SLC25A25: variants seen among roughly 807,000 people sequenced by gnomAD.
The protein encoded by SLC25A25 is solute carrier family 25 member 25, also known as mitochondrial adenyl nucleotide antiporter SLC25A25.
In SLC25A25, 32 loss-of-function variants were observed where a neutral mutation model predicts 57.7. The observed-to-expected ratio is 0.55, with a 90% confidence interval of 0.42 to 0.74. The LOEUF (loss-of-function observed/expected upper bound fraction) is 0.74, where lower values mean the gene tolerates loss of function less well. SLC25A25 is among the 30% of genes least tolerant of loss of function. The pLI, the probability that SLC25A25 is intolerant of heterozygous loss-of-function variation, is 0.00. For missense variants in SLC25A25, 556 were observed against 701.3 expected (o/e 0.79, Z 2.34); for synonymous variants, 306 against 291.2 (o/e 1.05, Z -0.52).
intron 1 of SLC25A25, among the ~76,000 whole-genome samples, chr9:128,079,432 G>T (rs7851563): frequency 3.4e-5 from 3 of 88,040 alleles, no homozygotes; most frequent in South Asian, 3.9e-4. Flanking sequence ...AAAAAAAAAA[G>T]GGTGGAGAGA....
intron 1 of SLC25A25, among the ~76,000 whole-genome samples, chr9:128,100,082 C>T (rs1833724678): frequency 6.6e-6 from 1 of 152,138 alleles, no homozygotes; most frequent in South Asian, 2.1e-4. Context: ...TGCATCCCGC[C>T]CACCACTTCC....
intron 6 of SLC25A25, among the ~76,000 whole-genome samples, chr9:128,105,076 C>G (rs555872546): frequency 6.7e-6 from 1 of 148,380 alleles, no homozygotes; most frequent in East Asian, 2.0e-4. Flanking sequence ...CCAGGCTGGT[C>G]TCACACTCCT....
At chr9:128,098,504 G>T in intron 1 of SLC25A25, 1 of 1,553,006 alleles carries the variant, frequency 6.4e-7, no homozygotes, top group South Asian at 1.2e-5. Flanking sequence ...TCCCGGGACC[G>T]GCAGCATTTA....
Position 128,102,095 on chromosome 9 carries a change from T to A in SLC25A25, c.492T>A (p.His164Gln), listed in dbSNP as rs542169131. 1 of 1,550,610 alleles carries A rather than the reference T, an allele frequency of 6.4e-7. No individual in the cohort carries two copies. Among genetic ancestry groups the A allele is most frequent in the East Asian group, 2.4e-5 (1 of 40,926 alleles). ...EKILKRIRTG[H>Q]FWGPVTYMDK... is the part of the protein sequence containing the mutation. ...TGTCTGTCAGAATACGAACGGGCCA[T>A]TTCTGGGGCCCTGTCACCTAGTAAG... The change falls in exon 4 of 11, where the codon CAT becomes CAA. Residue 164 changes from histidine (H) to glutamine (Q), a missense_variant. By Grantham distance (24) the His-to-Gln change is conservative (BLOSUM62 0). Transcript: ENST00000373069. This position sits in a 1 kb window ranked among gnomAD's most constrained non-coding sequence, Gnocchi z 4.1.
intron 1 of SLC25A25, among the ~76,000 whole-genome samples, chr9:128,085,028 G>A (rs749815629): frequency 6.6e-5 from 10 of 152,072 alleles, no homozygotes; most frequent in Non-Finnish European, 1.5e-4. Context: ...CAAGAAAAAT[G>A]TTTTAAAAAA....
At chr9:128,098,389 T>C (rs895235592) in intron 1 of SLC25A25, 1 of 1,271,718 alleles carries the variant, frequency 7.9e-7, no homozygotes, top group African/African-American at 1.5e-5. Context: ...CATTGGCTGT[T>C]GGCAGGACTT....
intron 1 of SLC25A25, chr9:128,100,725 G>A (rs544285002): frequency 1.2e-4 from 28 of 224,112 alleles, no homozygotes; most frequent in South Asian, 6.4e-4. Context: ...CAGGGACGGC[G>A]CTGCAGCGAA....
intron 1 of SLC25A25, among the ~76,000 whole-genome samples, chr9:128,086,784 G>A (rs1336871729): frequency 6.6e-6 from 1 of 151,902 alleles, no homozygotes; most frequent in Non-Finnish European, 1.5e-5. Context: ...CCTAGTTTTA[G>A]AATCTTAAAC....
intron 6 of SLC25A25, among the ~76,000 whole-genome samples, chr9:128,104,605 CTCA>C: frequency 6.6e-6 from 1 of 152,286 alleles, no homozygotes; most frequent in East Asian, 1.9e-4. Flanking sequence ...GAACAACTGC[CTCA>C]TCCTTTTGTT....
Position 128,068,266 on chromosome 9 carries a change from G to T in SLC25A25, c.-54G>T. Reference sequence around the variant, plus strand: ...CTGGCTTGCCTCCCGCGCGGTCACCGCCGGCCCGCCGCCCCCGCTCCCGCC... The same window carrying T: ...CTGGCTTGCCTCCCGCGCGGTCACCTCCGGCCCGCCGCCCCCGCTCCCGCC... On this transcript the variant is annotated 5_prime_UTR_variant, in exon 1 of 11. Transcript: ENST00000373069. 1.8e-6 allele frequency: 2 copies of T among 1,124,270 alleles called. No homozygotes were observed. Among genetic ancestry groups the T allele is most frequent in the Non-Finnish European group, 2.3e-6 (2 of 881,838 alleles). 69.6% of individuals were successfully genotyped at this position (1,124,270 alleles called of 1,614,324 possible).
chr9:128,103,869 G>A lies in SLC25A25; in HGVS notation c.783+30G>A, dbSNP rs1252052087. The A allele has an allele frequency of 3.3e-6, 5 of 1,502,786 alleles. No individual in the cohort carries two copies. 93.1% of individuals were successfully genotyped at this position (1,502,786 alleles called of 1,614,324 possible). On this transcript the variant is annotated intron_variant, in intron 6 of 10. Transcript: ENST00000373069. The surrounding 1 kb of genome is among the most constrained non-coding windows in gnomAD (Gnocchi z 6.7). ...GTAGGGAAAAGGCCCCAGACCCCTG[G>A]GGGGCCAGTTTCCACCTGGGGGATG...
At chr9:128,080,304 C>T (rs1233925476) in intron 1 of SLC25A25, among the ~76,000 whole-genome samples, 4 of 145,512 alleles carry the variant, frequency 2.7e-5, no homozygotes, top group Non-Finnish European at 5.9e-5. Context: ...GAGCTGAGAT[C>T]GTGCCACTGC....
chr9:128,090,115 A>G (rs7874542), intron 1 of SLC25A25, among the ~76,000 whole-genome samples: 145,021 of 152,160 alleles, frequency 0.95, 69,513 homozygotes, highest in East Asian at 1. Context: ...CAATTTAATT[A>G]TCTTTCCAGA....
At chr9:128,070,882 G>A (rs559949049) in intron 1 of SLC25A25, among the ~76,000 whole-genome samples, 5 of 150,778 alleles carry the variant, frequency 3.3e-5, no homozygotes, top group African/African-American at 1.2e-4. Flanking sequence ...CCCGGGAGGC[G>A]GAGATTGCGG....
chr9:128,103,819 A>C lies in SLC25A25; in HGVS notation c.763A>C (p.Arg255=), dbSNP rs1273630597. Residue 255 remains arginine (R), a synonymous_variant, in exon 6 of 11, where the codon AGG becomes CGG. Transcript: ENST00000373069. The surrounding 1 kb of genome is among the most constrained non-coding windows in gnomAD (Gnocchi z 6.7). ...CAGAACCTGCACGGCCCCCCTGGAC[A>C]GGCTCAAGGTGCTCATGCAGGTATG... ...VSRTCTAPLD[R]LKVLMQVHAS... is the part of the protein sequence containing the mutation. 6.2e-7 allele frequency: 1 copy of C among 1,604,886 alleles called. No homozygotes were observed. The highest frequency in any genetic ancestry group is 8.5e-7 in the Non-Finnish European group (1 of 1,175,334).
chr9:128,105,391 G>A (rs747535340), intron 6 of SLC25A25, among the ~76,000 whole-genome samples: 1 of 150,870 alleles, frequency 6.6e-6, no homozygotes, highest in East Asian at 2.0e-4. Context: ...GGCTGGTCTC[G>A]AACTCCTGAA....
At position 128,076,059 on chromosome 9, in the gene SLC25A25, T is replaced by TTTA. The variant is rs1315224215; in HGVS notation, c.261+7482_261+7484dup. 3.3e-5 allele frequency among the ~76,000 whole-genome samples: 5 copies of TTTA among 152,136 alleles called. No individual in the cohort carries two copies. In the East Asian group the frequency reaches 9.6e-4, roughly 29 times the overall value. On this transcript the variant is annotated intron_variant, in intron 1 of 10. Transcript: ENST00000373069. ...GTACCCAGCCAACTTTTTATTTTAT[T>TTTA]TTATTTTATTTTATTATGCCTGTGA... is the stretch of plus-strand genomic sequence containing the variant.
chr9:128,105,161 T>C (rs1833969477), intron 6 of SLC25A25, among the ~76,000 whole-genome samples: 1 of 90,136 alleles, frequency 1.1e-5, no homozygotes, highest in East Asian at 3.1e-4. Flanking sequence ...TCCCGGCCTT[T>C]TTTTTTTTTT....
At position 128,099,505 on chromosome 9, in the gene SLC25A25, C is replaced by A; in HGVS notation, c.262-1591C>A. On this transcript the variant is annotated intron_variant, in intron 1 of 10. Transcript: ENST00000373069. This position sits in a 1 kb window ranked among gnomAD's most constrained non-coding sequence, Gnocchi z 6.8. ...CTCCATGCCTGATGTTCGCCTCCTG[C>A]CTAAATGGCTTGTCCACTCTATTTC... 1.3e-6 allele frequency: 1 copy of A among 752,382 alleles called. No individual in the cohort carries two copies. The highest frequency in any genetic ancestry group is 1.7e-6 in the Non-Finnish European group (1 of 571,488). 46.6% of individuals were successfully genotyped at this position (752,382 alleles called of 1,614,324 possible). A position where few individuals can be genotyped will look rare whatever the true frequency, so the allele number is the denominator to read the frequency against.
Sources: allele counts gnomAD v4.1 joint callset (sites outside exome capture counted in the v4.1 genomes callset), GRCh38; gene constraint gnomAD v4.1.1; non-coding constraint Gnocchi (gnomAD v3.1); transcripts MANE v1.5; gene names NCBI Gene and HGNC (gene_info 2026-07-23, HGNC 2026-07-21).